Variants in ADK observed in about 807,000 individuals in gnomAD.
ADK encodes the protein adenosine kinase.
In ADK, 24 loss-of-function variants were observed where a neutral mutation model predicts 44.7. That is an observed-to-expected ratio of 0.54 (90% CI 0.39 to 0.76). The LOEUF (loss-of-function observed/expected upper bound fraction) is 0.76. Among genes scored for constraint, ADK ranks in the 30% least tolerant of loss-of-function variants. The probability of loss-of-function intolerance (pLI) is 0.00; values close to 1 mark genes in which losing one functional copy is unlikely to be tolerated. For missense variants in ADK, 321 were observed against 425.1 expected (o/e 0.76, Z 2.15); for synonymous variants, 128 against 142.6 (o/e 0.90, Z 0.73).
intron 3 of ADK, among the ~76,000 whole-genome samples, chr10:74,291,805 A>G (rs1179844651): frequency 6.6e-6 from 1 of 151,062 alleles, no homozygotes; most frequent in Admixed American, 6.6e-5. Flanking sequence ...CCTTTGTATT[A>G]TGTGTATCAT....
intron 7 of ADK, among the ~76,000 whole-genome samples, chr10:74,560,239 G>A (rs1411919208): frequency 2.0e-5 from 3 of 151,916 alleles, no homozygotes; most frequent in African/African-American, 4.8e-5. Flanking sequence ...TTTTATTTTC[G>A]GTGCTTTTTT....
At chr10:74,158,804 A>G (rs572963080) in intron 1 of ADK, among the ~76,000 whole-genome samples, 51 of 152,322 alleles carry the variant, frequency 3.3e-4, no homozygotes, top group African/African-American at 1.2e-3. Context: ...CTGCACTTCT[A>G]TGATACTAAG....
At chr10:74,232,517 G>A (rs1048649178) in intron 3 of ADK, among the ~76,000 whole-genome samples, 3 of 139,398 alleles carry the variant, frequency 2.2e-5, no homozygotes, top group Admixed American at 7.6e-5. Context: ...GTGAGAACCC[G>A]TCTCAAAAAA....
chr10:74,249,923 T>G (rs1049908361), intron 3 of ADK, among the ~76,000 whole-genome samples: 17 of 152,210 alleles, frequency 1.1e-4, no homozygotes, highest in African/African-American at 3.9e-4. Context: ...GTAATTTTCC[T>G]GCACTCATAG....
At chr10:74,563,336 AC>A (rs1415656844) in intron 7 of ADK, among the ~76,000 whole-genome samples, 1 of 152,094 alleles carries the variant, frequency 6.6e-6, no homozygotes, top group Non-Finnish European at 1.5e-5. Context: ...AGTGTTACTC[AC>A]CCATCTTACT....
intron 10 of ADK, among the ~76,000 whole-genome samples, chr10:74,702,571 CCT>C (rs1376241378): frequency 3.5e-5 from 5 of 144,202 alleles, no homozygotes; most frequent in South Asian, 2.2e-4. Context: ...TTCCTTCCTT[CCT>C]CTCTCTCTCT....
chr10:74,259,394 A>G (rs1416599209), intron 3 of ADK, among the ~76,000 whole-genome samples: 1 of 151,452 alleles, frequency 6.6e-6, no homozygotes, highest in Non-Finnish European at 1.5e-5. Context: ...TGAGGTGGTG[A>G]CAAATTTGCC....
At chr10:74,588,418 A>T (rs1301290865) in intron 7 of ADK, among the ~76,000 whole-genome samples, 1 of 152,194 alleles carries the variant, frequency 6.6e-6, no homozygotes, top group Non-Finnish European at 1.5e-5. Context: ...GACTTGTTAA[A>T]AACATTAAGC....
intron 7 of ADK, among the ~76,000 whole-genome samples, chr10:74,550,379 A>G (rs1359584652): frequency 3.3e-5 from 5 of 152,064 alleles, no homozygotes; most frequent in Non-Finnish European, 4.4e-5. Flanking sequence ...CCGAGAACCC[A>G]ATCACTTTTG....
At chr10:74,435,183 T>C (rs939292752) in intron 6 of ADK, among the ~76,000 whole-genome samples, 5 of 152,218 alleles carry the variant, frequency 3.3e-5, no homozygotes, top group African/African-American at 1.2e-4. Context: ...AGAAGACTGA[T>C]AATGCAGTGT....
intron 7 of ADK, among the ~76,000 whole-genome samples, chr10:74,528,552 A>G (rs1385305531): frequency 6.6e-6 from 1 of 152,116 alleles, no homozygotes; most frequent in Non-Finnish European, 1.5e-5. Context: ...ATTTTTGGGC[A>G]TCGAAGGACA....
intron 8 of ADK, 140 bp from the exon 9 acceptor site, chr10:74,600,239 G>A (rs1399612531): frequency 8.4e-6 from 5 of 596,324 alleles, no homozygotes; most frequent in Non-Finnish European, 1.5e-5. Context: ...TTTTGTATAT[G>A]GTTAAAGAAA....
intron 3 of ADK, among the ~76,000 whole-genome samples, chr10:74,308,785 T>TG (rs1840338715): frequency 6.6e-6 from 1 of 152,208 alleles, no homozygotes; most frequent in South Asian, 2.1e-4. Context: ...GCTGTGCTGA[T>TG]GTTAACACAA....
At chr10:74,562,747 G>A (rs1018002718) in intron 7 of ADK, among the ~76,000 whole-genome samples, 3 of 152,150 alleles carry the variant, frequency 2.0e-5, no homozygotes, top group Non-Finnish European at 4.4e-5. Context: ...TATAGTACAT[G>A]TGCTTTCAAT....
chr10:74,692,231 C>T (rs907962019), intron 10 of ADK, among the ~76,000 whole-genome samples: 1 of 152,180 alleles, frequency 6.6e-6, no homozygotes, highest in Non-Finnish European at 1.5e-5. Context: ...GTAATCCCAG[C>T]ATTTTGAGAG....
chr10:74,605,049 A>G (rs1026128749), intron 9 of ADK, among the ~76,000 whole-genome samples: 2 of 151,888 alleles, frequency 1.3e-5, no homozygotes, highest in South Asian at 4.2e-4. Context: ...CTGTTTGTCT[A>G]TTATTGGTGT....
In ADK at chr10:74,410,691, A is replaced by G. The variant is rs375095496; in HGVS notation, c.555+12112A>G. Among the ~76,000 whole-genome samples the G allele has an allele frequency of 8.5e-5, 13 of 152,238 alleles. No individual in the cohort carries two copies. The East Asian group carries it at 2.3e-3, about 27-fold the overall frequency. On this transcript the variant is annotated intron_variant, in intron 6 of 10. Transcript: ENST00000539909. ...GTGAGACTCTGTCTGAAAACAAACAAACAAACAAACAAAAACTTACTTAAA... is the reference window on the plus strand; with the variant it reads ...GTGAGACTCTGTCTGAAAACAAACAGACAAACAAACAAAAACTTACTTAAA...
chr10:74,494,794 C>G (rs529915808), intron 6 of ADK, among the ~76,000 whole-genome samples: 1 of 152,126 alleles, frequency 6.6e-6, no homozygotes, highest in Non-Finnish European at 1.5e-5. Context: ...TCCCAAATAG[C>G]TAGGATTACA....
chr10:74,395,816 C>T (rs1242627112), intron 5 of ADK, among the ~76,000 whole-genome samples: 1 of 152,130 alleles, frequency 6.6e-6, no homozygotes, highest in African/African-American at 2.4e-5. Context: ...GTCAGGAGTT[C>T]GAGACCAGCC....
Sources: gnomAD v4.1 joint callset for allele counts (sites outside exome capture counted in the v4.1 genomes callset) on GRCh38, gnomAD v4.1.1 for gene constraint, MANE v1.5 for transcripts, NCBI Gene and HGNC (gene_info 2026-07-23, HGNC 2026-07-21) for gene names.